Variants in TENM2 observed in about 807,000 individuals in gnomAD.
TENM2 encodes the protein teneurin transmembrane protein 2, also known as teneurin-2.
Under a neutral mutation model 245.2 loss-of-function variants are expected in TENM2, and 52 were observed. The observed-to-expected ratio is 0.21, with a 90% CI of 0.17 to 0.27. TENM2 has a LOEUF of 0.27. Among genes scored for constraint, TENM2 ranks in the 10% least tolerant of loss-of-function variants. The pLI is 1.00. For synonymous variants in TENM2, 1,363 were observed against 1,438.9 expected (o/e 0.95, Z 1.19); for missense variants, 3,046 against 3,666.8 (o/e 0.83, Z 4.37).
At chr5:167,601,785 C>G (rs1248185045) in intron 2 of TENM2, among the ~76,000 whole-genome samples, 2 of 152,138 alleles carry the variant, frequency 1.3e-5, no homozygotes, top group Admixed American at 1.3e-4. Context: ...TAAATCTTCC[C>G]CTTTTGCTTA....
intron 2 of TENM2, among the ~76,000 whole-genome samples, chr5:167,448,121 C>G (rs1488885543): frequency 6.6e-6 from 1 of 152,144 alleles, no homozygotes; most frequent in Non-Finnish European, 1.5e-5. Context: ...CAGTGGCAGT[C>G]AGAATTATTG....
chr5:167,312,347 C>G lies in TENM2; in HGVS notation c.226+27284C>G, dbSNP rs72645741. Among the ~76,000 whole-genome samples the G allele has an allele frequency of 0.014, 2,056 of 152,196 alleles. 189 individuals carry two copies. The East Asian group carries it at 0.23, about 17-fold the overall frequency. On this transcript the variant is annotated intron_variant, in intron 1 of 28. Coordinates refer to ENST00000518659, the Ensembl canonical transcript of TENM2. Reference sequence around the variant, plus strand: ...GACCATTAGAACAATAAATACAATGCTTTATAGCAATCTGGTCTGGTCTAC... The same window carrying G: ...GACCATTAGAACAATAAATACAATGGTTTATAGCAATCTGGTCTGGTCTAC...
At chr5:167,183,513 A>G in the TENM2 span, among the ~76,000 whole-genome samples, 10 of 152,172 alleles carry the variant, frequency 6.6e-5, no homozygotes, top group South Asian at 6.2e-4. Flanking sequence ...GAATGTGCCT[A>G]TCTACCCAGA....
At chr5:167,115,900 G>C in the TENM2 span, among the ~76,000 whole-genome samples, 1 of 152,172 alleles carries the variant, frequency 6.6e-6, no homozygotes, top group African/African-American at 2.4e-5. Flanking sequence ...AGCCTAGGTT[G>C]CCGGGAAATA....
chr5:168,243,634 G>A (rs151156387), intron 25 of TENM2, among the ~76,000 whole-genome samples: 81 of 152,284 alleles, frequency 5.3e-4, no homozygotes, highest in African/African-American at 1.9e-3. Flanking sequence ...CTAATGATGT[G>A]CCAAAAAGAG....
the TENM2 span, among the ~76,000 whole-genome samples, chr5:167,202,776 A>G: frequency 6.6e-6 from 1 of 151,960 alleles, no homozygotes; most frequent in Non-Finnish European, 1.5e-5. Context: ...GTTGAAGTGG[A>G]TCTCTGTGGC....
intron 5 of TENM2, among the ~76,000 whole-genome samples, chr5:168,038,828 G>A (rs1787930948): frequency 6.6e-6 from 1 of 151,570 alleles, no homozygotes; most frequent in African/African-American, 2.4e-5. Context: ...ATCCAGGATA[G>A]GGAGATCCTT....
intron 2 of TENM2, among the ~76,000 whole-genome samples, chr5:167,668,264 C>A (rs1012575631): frequency 1.3e-5 from 2 of 152,102 alleles, no homozygotes; most frequent in Non-Finnish European, 2.9e-5. Flanking sequence ...TATGAAGAAA[C>A]AGAAATCTAG....
At chr5:168,075,614 A>G (rs976673111) in intron 7 of TENM2, among the ~76,000 whole-genome samples, 4 of 152,196 alleles carry the variant, frequency 2.6e-5, no homozygotes, top group African/African-American at 9.7e-5. Context: ...TTCATATGCA[A>G]GGAATCACGT....
chr5:167,810,299 T>G (rs1583067285), intron 2 of TENM2, among the ~76,000 whole-genome samples: 1 of 152,100 alleles, frequency 6.6e-6, no homozygotes, highest in Non-Finnish European at 1.5e-5. Flanking sequence ...CCCATGGAAA[T>G]TACTAAATCA....
intron 2 of TENM2, among the ~76,000 whole-genome samples, chr5:167,631,450 A>C (rs2127793436): frequency 6.6e-6 from 1 of 152,254 alleles, no homozygotes; most frequent in Admixed American, 6.5e-5. Flanking sequence ...GTGTCCAGAA[A>C]TAGAAGTTGG....
At chr5:166,993,990 T>A in the TENM2 span, among the ~76,000 whole-genome samples, 1 of 152,236 alleles carries the variant, frequency 6.6e-6, no homozygotes, top group African/African-American at 2.4e-5. Context: ...TGATCTTTTT[T>A]TCACTTTTCT....
At chr5:167,167,833 G>T in the TENM2 span, among the ~76,000 whole-genome samples, 1 of 152,156 alleles carries the variant, frequency 6.6e-6, no homozygotes, top group African/African-American at 2.4e-5. Flanking sequence ...ATGAATGAAT[G>T]AATGAGTGAA....
chr5:167,184,463 T>C, the TENM2 span, among the ~76,000 whole-genome samples: 3 of 152,168 alleles, frequency 2.0e-5, no homozygotes, highest in African/African-American at 7.2e-5. Flanking sequence ...TTGTTTTTGT[T>C]TTTTGTTGGG....
chr5:167,918,171 A>G (rs959387181), intron 3 of TENM2, among the ~76,000 whole-genome samples: 6 of 152,124 alleles, frequency 3.9e-5, no homozygotes, highest in Non-Finnish European at 8.8e-5. Flanking sequence ...TGAGATCATG[A>G]CGGGTTTATT....
chr5:167,108,602 A>T, the TENM2 span, among the ~76,000 whole-genome samples: 1 of 152,222 alleles, frequency 6.6e-6, no homozygotes, highest in East Asian at 1.9e-4. Flanking sequence ...TAATTTGCCC[A>T]GGGATTCCCA....
intron 2 of TENM2, among the ~76,000 whole-genome samples, chr5:167,577,648 G>C (rs965275177): frequency 2.6e-5 from 4 of 151,896 alleles, no homozygotes; most frequent in Admixed American, 2.6e-4. Context: ...AATAAGGAAA[G>C]CTACACAACT....
intron 7 of TENM2, among the ~76,000 whole-genome samples, chr5:168,081,579 T>C (rs1293122411): frequency 6.6e-6 from 1 of 152,230 alleles, no homozygotes; most frequent in African/African-American, 2.4e-5. Flanking sequence ...TGGTTGTTCC[T>C]TTCCATGTTT....
the TENM2 span, among the ~76,000 whole-genome samples, chr5:167,139,712 C>T: frequency 6.6e-6 from 1 of 152,130 alleles, no homozygotes. Context: ...TATAATTTAT[C>T]TGTCACTTCC....
Sources: allele counts gnomAD v4.1 joint callset (sites outside exome capture counted in the v4.1 genomes callset), GRCh38; gene constraint gnomAD v4.1.1; transcripts MANE v1.5; gene names NCBI Gene and HGNC (gene_info 2026-07-23, HGNC 2026-07-21).